ADGRL3: variants seen among roughly 807,000 people sequenced by gnomAD.
ADGRL3 encodes calcium-independent alpha-latrotoxin receptor 3.
In ADGRL3, 62 loss-of-function variants were observed where a neutral mutation model predicts 153.5. The ratio of observed to expected loss-of-function variants is 0.40; its 90% confidence interval spans 0.33 to 0.50. The LOEUF (loss-of-function observed/expected upper bound fraction) is 0.50. Ranked by LOEUF, ADGRL3 falls within the 20% of genes least tolerant of loss-of-function variation. The pLI, the probability that ADGRL3 is intolerant of heterozygous loss-of-function variation, is 0.47. For missense variants in ADGRL3, 1,641 were observed against 1,859.4 expected (o/e 0.88, Z 2.16); for synonymous variants, 710 against 672.5 (o/e 1.06, Z -0.86).
chr4:61,737,023 C>T (rs2096526712), intron 8 of ADGRL3, among the ~76,000 whole-genome samples: 1 of 151,634 alleles, frequency 6.6e-6, no homozygotes, highest in African/African-American at 2.4e-5. Flanking sequence ...TATCTTATTT[C>T]ACACAAACAG....
chr4:61,466,426 A>G (rs2097885357), intron 2 of ADGRL3, among the ~76,000 whole-genome samples: 1 of 152,202 alleles, frequency 6.6e-6, no homozygotes, highest in African/African-American at 2.4e-5. Flanking sequence ...TACCAAGAAT[A>G]AAATGTTCAT....
chr4:61,826,214 A>G (rs1439993316), intron 9 of ADGRL3, among the ~76,000 whole-genome samples: 1 of 152,132 alleles, frequency 6.6e-6, no homozygotes, highest in Non-Finnish European at 1.5e-5. Flanking sequence ...AAAGGAAGCC[A>G]CTCTAGGGAG....
At chr4:61,569,510 A>G (rs557692057) in intron 4 of ADGRL3, among the ~76,000 whole-genome samples, 41 of 152,306 alleles carry the variant, frequency 2.7e-4, no homozygotes, top group Non-Finnish European at 5.3e-4. Context: ...AGGCAGCAGG[A>G]TTACTTGAGC....
chr4:61,669,541 A>G (rs1157207622), intron 5 of ADGRL3, among the ~76,000 whole-genome samples: 2 of 152,170 alleles, frequency 1.3e-5, no homozygotes, highest in Admixed American at 1.3e-4. Context: ...CATTAATATT[A>G]TATGATGTGG....
Position 61,646,074 on chromosome 4 carries a change from C to T in ADGRL3, c.474-30752C>T, listed in dbSNP as rs571450842. ...CTGATACCCTTTCTCCAGTTGATGGCATCGGCTCCTGAGGCCTCTGCATTC... is the reference window on the plus strand; with the variant it reads ...CTGATACCCTTTCTCCAGTTGATGGTATCGGCTCCTGAGGCCTCTGCATTC... On this transcript the variant is annotated intron_variant, in intron 5 of 26. Coordinates refer to ENST00000683033, the MANE Select transcript of ADGRL3 (RefSeq NM_001387552.1). Among the ~76,000 whole-genome samples, 6 of 152,308 alleles carry T rather than the reference C, an allele frequency of 3.9e-5. No homozygotes were observed. In the East Asian group the frequency reaches 1.2e-3, roughly 29 times the overall value.
chr4:61,725,765 A>ACAGGGAGG (rs5858723), intron 6 of ADGRL3, among the ~76,000 whole-genome samples: 106,471 of 151,338 alleles, frequency 0.7, 38,448 homozygotes, highest in East Asian at 0.93. Flanking sequence ...GGATTTGATG[A>ACAGGGAGG]AAATGGAGAG....
rs1341103435 is a variant in ADGRL3, at chr4:61,947,016, A to G, written c.2522A>G (p.His841Arg). ...KLGTEALSTN[H>R]SVIVNSPVIT... is the part of the protein sequence containing the mutation. ...GGAACGGAAGCTTTGTCCACAAATC[A>G]TTCTGTTATTGTCAATTCCCCTGTT... is the stretch of plus-strand genomic sequence containing the variant. Residue 841 changes from histidine to arginine, a missense_variant, in exon 16 of 27, where the codon CAT becomes CGT. Physicochemically the swap from His to Arg is conservative, Grantham distance 29. Around this residue, in one of 5 missense-constraint regions of ADGRL3, gnomAD observed 734 missense variants for 797.0 expected, o/e 0.92. Transcript: ENST00000683033. The G allele has an allele frequency of 6.2e-7, 1 of 1,613,800 alleles. No individual in the cohort carries two copies. Among genetic ancestry groups the G allele is most frequent in the Non-Finnish European group, 8.5e-7 (1 of 1,179,766 alleles).
intron 6 of ADGRL3, among the ~76,000 whole-genome samples, chr4:61,679,735 A>G (rs958234781): frequency 3.3e-5 from 5 of 152,074 alleles, no homozygotes; most frequent in African/African-American, 1.2e-4. Context: ...TGAAATGTAG[A>G]CTAGCTAGAG....
chr4:61,819,150 A>T (rs1031854835), intron 9 of ADGRL3, among the ~76,000 whole-genome samples: 1 of 152,146 alleles, frequency 6.6e-6, no homozygotes, highest in Non-Finnish European at 1.5e-5. Context: ...CAAAATGTAC[A>T]TACATCTCTA....
intron 1 of ADGRL3, among the ~76,000 whole-genome samples, chr4:61,365,560 C>T (rs991798937): frequency 6.6e-6 from 1 of 152,222 alleles, no homozygotes; most frequent in Non-Finnish European, 1.5e-5. Flanking sequence ...CTGCTGGATA[C>T]TAGGAAGTCT....
intron 2 of ADGRL3, among the ~76,000 whole-genome samples, chr4:61,407,156 C>G (rs1296219727): frequency 2.0e-5 from 3 of 151,854 alleles, no homozygotes; most frequent in Non-Finnish European, 2.9e-5. Flanking sequence ...TAAACCCTTA[C>G]AATAATTTAT....
intron 1 of ADGRL3, among the ~76,000 whole-genome samples, chr4:61,242,090 C>G (rs1035308532): frequency 3.9e-5 from 6 of 152,010 alleles, no homozygotes; most frequent in African/African-American, 1.4e-4. Context: ...TGGTTCTTTC[C>G]TGATTGAGAA....
At chr4:61,523,888 A>G (rs190713684) in intron 4 of ADGRL3, among the ~76,000 whole-genome samples, 1 of 152,058 alleles carries the variant, frequency 6.6e-6, no homozygotes, top group Admixed American at 6.6e-5. Flanking sequence ...ACTTTTGACT[A>G]TTGAATTTTT....
At chr4:61,707,198 T>A (rs1481698596) in intron 6 of ADGRL3, among the ~76,000 whole-genome samples, 1 of 152,162 alleles carries the variant, frequency 6.6e-6, no homozygotes, top group East Asian at 1.9e-4. Flanking sequence ...TTAAAATAGT[T>A]ACATCAAGTA....
intron 5 of ADGRL3, among the ~76,000 whole-genome samples, chr4:61,628,286 T>C (rs1191535627): frequency 2.0e-5 from 3 of 152,186 alleles, no homozygotes; most frequent in Non-Finnish European, 4.4e-5. Flanking sequence ...TGAGCAGTTC[T>C]GTCCTAGAGT....
intron 5 of ADGRL3, among the ~76,000 whole-genome samples, chr4:61,667,092 A>G (rs763903620): frequency 1.3e-5 from 2 of 152,170 alleles, no homozygotes; most frequent in African/African-American, 2.4e-5. Flanking sequence ...TGTGTCTGAC[A>G]TAGCTAATCA....
chr4:61,485,682 T>G (rs1560713417), intron 2 of ADGRL3, among the ~76,000 whole-genome samples: 1 of 152,164 alleles, frequency 6.6e-6, no homozygotes, highest in Non-Finnish European at 1.5e-5. Flanking sequence ...CCTTATCCAC[T>G]GGAAGGAGTT....
chr4:61,238,988 T>C (rs1189829501), intron 1 of ADGRL3, among the ~76,000 whole-genome samples: 1 of 152,110 alleles, frequency 6.6e-6, no homozygotes, highest in Non-Finnish European at 1.5e-5. Context: ...TTAGACACTC[T>C]TGTGGGCATT....
intron 9 of ADGRL3, among the ~76,000 whole-genome samples, chr4:61,865,252 T>C (rs942865126): frequency 2.2e-5 from 3 of 136,914 alleles, no homozygotes; most frequent in Non-Finnish European, 4.8e-5. Context: ...CCCACCCCCA[T>C]ATACAAGCTA....
Sources: gnomAD v4.1 joint callset for allele counts (sites outside exome capture counted in the v4.1 genomes callset) on GRCh38, gnomAD v4.1.1 for gene constraint, gnomAD v4.1.1 regional missense constraint, MANE v1.5 for transcripts, NCBI Gene and HGNC (gene_info 2026-07-23, HGNC 2026-07-21) for gene names.